The following CLPB variants were observed in gnomAD, a reference collection of about 807,000 sequenced individuals.
The protein encoded by CLPB is ClpB family mitochondrial disaggregase, also known as mitochondrial disaggregase.
In CLPB, 40 loss-of-function variants were observed where a neutral mutation model predicts 78.4. That is an observed-to-expected ratio of 0.51 (90% CI 0.40 to 0.66). The LOEUF is 0.66. CLPB is among the 30% of genes least tolerant of loss of function. The pLI is 0.00. For missense variants in CLPB, 780 were observed against 886.9 expected (o/e 0.88, Z 1.53); for synonymous variants, 333 against 348.0 (o/e 0.96, Z 0.48).
chr11:72,379,394 A>C (rs1236462993), intron 4 of CLPB, among the ~76,000 whole-genome samples: 1 of 152,190 alleles, frequency 6.6e-6, no homozygotes, highest in Non-Finnish European at 1.5e-5. Context: ...GTCTGGATAA[A>C]CGAAAGCTCA....
rs191308595 is a variant in CLPB at position 72,333,406 on chromosome 11, T to C, written c.776-3602A>G. ...CCTCTGTGTGCAGGATGATGAAGGA[T>C]TGGCAGAGCCAATGAATAGTTTCCC... On this transcript the variant is annotated intron_variant, in intron 5 of 15. Transcript: ENST00000538039. Among the ~76,000 whole-genome samples the C allele has an allele frequency of 3.5e-4, 54 of 152,360 alleles. No homozygotes were observed. The East Asian group carries it at 7.5e-3, about 21-fold the overall frequency.
intron 6 of CLPB, among the ~76,000 whole-genome samples, chr11:72,317,846 G>T (rs1949976625): frequency 6.6e-6 from 1 of 152,218 alleles, no homozygotes; most frequent in African/African-American, 2.4e-5. Flanking sequence ...TCTAGTTGAT[G>T]CTGAGGGTCT....
At chr11:72,340,201 G>T (rs558066127) in intron 5 of CLPB, among the ~76,000 whole-genome samples, 1 of 152,258 alleles carries the variant, frequency 6.6e-6, no homozygotes, top group African/African-American at 2.4e-5. Flanking sequence ...TTGATTCAGG[G>T]ATATGATTGG....
intron 3 of CLPB, among the ~76,000 whole-genome samples, chr11:72,389,784 G>A (rs1272882291): frequency 6.6e-6 from 1 of 152,146 alleles, no homozygotes; most frequent in Non-Finnish European, 1.5e-5. Flanking sequence ...AAATTAGCCA[G>A]GTGTGGTGGC....
chr11:72,308,442 TG>T (rs1269380680), intron 8 of CLPB, 84 bp downstream of exon 8: 3 of 1,210,676 alleles, frequency 2.5e-6, no homozygotes, highest in Admixed American at 1.7e-5. Flanking sequence ...CTGCTGACCC[TG>T]GCCCGCAGCA....
chr11:72,308,835 G>T (rs756026827), intron 7 of CLPB, among the ~76,000 whole-genome samples: 1 of 152,178 alleles, frequency 6.6e-6, no homozygotes, highest in Non-Finnish European at 1.5e-5. Flanking sequence ...TTCGGATAAA[G>T]TTTTCCAGGA....
At chr11:72,327,095 C>G (rs544861196) in intron 6 of CLPB, among the ~76,000 whole-genome samples, 1 of 152,294 alleles carries the variant, frequency 6.6e-6, no homozygotes, top group East Asian at 1.9e-4. Flanking sequence ...CAGCTGAGAG[C>G]TAGGGAATCC....
intron 5 of CLPB, among the ~76,000 whole-genome samples, chr11:72,358,202 G>A (rs1950757836): frequency 6.6e-6 from 1 of 152,162 alleles, no homozygotes; most frequent in Admixed American, 6.5e-5. Flanking sequence ...CCAAAGGGAG[G>A]GTATTCATTA....
At chr11:72,389,723 C>A (rs1411824032) in intron 3 of CLPB, among the ~76,000 whole-genome samples, 1 of 151,946 alleles carries the variant, frequency 6.6e-6, no homozygotes, top group East Asian at 1.9e-4. Context: ...CCCAGGAGTT[C>A]AAGACCAGCC....
At chr11:72,388,091 G>T (rs1442482842) in intron 3 of CLPB, among the ~76,000 whole-genome samples, 1 of 152,118 alleles carries the variant, frequency 6.6e-6, no homozygotes, top group Non-Finnish European at 1.5e-5. Context: ...GCAGACAGTG[G>T]TCTAGCAGGG....
At chr11:72,379,468 G>A (rs1177668649) in intron 4 of CLPB, among the ~76,000 whole-genome samples, 1 of 152,126 alleles carries the variant, frequency 6.6e-6, no homozygotes, top group African/African-American at 2.4e-5. Flanking sequence ...ATCCCACTTT[G>A]GAAGAAGTAC....
intron 3 of CLPB, among the ~76,000 whole-genome samples, chr11:72,393,074 C>G (rs550612684): frequency 6.6e-6 from 1 of 152,260 alleles, no homozygotes; most frequent in South Asian, 2.1e-4. Context: ...GGGCAAGGCT[C>G]GAGGAAGGCA....
chr11:72,338,423 C>T (rs1285343056), intron 5 of CLPB, among the ~76,000 whole-genome samples: 2 of 152,156 alleles, frequency 1.3e-5, no homozygotes, highest in Non-Finnish European at 2.9e-5. Flanking sequence ...GAGCTAGAAC[C>T]CACGCCTACT....
intron 2 of CLPB, among the ~76,000 whole-genome samples, chr11:72,424,205 T>C (rs760164960): frequency 7.2e-5 from 11 of 152,204 alleles, no homozygotes; most frequent in Non-Finnish European, 1.2e-4. Context: ...TGATGTACTG[T>C]TCTATCATAT....
intron 1 of CLPB, among the ~76,000 whole-genome samples, chr11:72,432,283 T>C (rs1856568670): frequency 6.6e-6 from 1 of 152,224 alleles, no homozygotes; most frequent in East Asian, 1.9e-4. Flanking sequence ...CCAGACACTG[T>C]GGTGGGCAAA....
chr11:72,385,694 A>G (rs1855053874), intron 3 of CLPB, among the ~76,000 whole-genome samples: 1 of 152,114 alleles, frequency 6.6e-6, no homozygotes, highest in Admixed American at 6.6e-5. Flanking sequence ...GTGGTGGTGT[A>G]TGTCTGTAAT....
intron 6 of CLPB, among the ~76,000 whole-genome samples, chr11:72,323,117 T>A (rs1950072028): frequency 1.3e-5 from 2 of 152,214 alleles, no homozygotes; most frequent in Non-Finnish European, 2.9e-5. Flanking sequence ...TTAGAAGTAT[T>A]AATGCTTCTA....
At chr11:72,293,718 C>T (rs1590751727) in intron 15 of CLPB, 103 bp from the exon 16 acceptor site, 1 of 1,376,056 alleles carries the variant, frequency 7.3e-7, no homozygotes, top group East Asian at 2.4e-5. Context: ...CTCCTTTGAG[C>T]CTGAGCCTCA....
chr11:72,354,985 T>C (rs112889822), intron 5 of CLPB, among the ~76,000 whole-genome samples: 8,536 of 152,148 alleles, frequency 0.056, 346 homozygotes, highest in Non-Finnish European at 0.082. Flanking sequence ...CCTCTGACAG[T>C]GTGAGAGCCT....
Sources: gnomAD v4.1 joint callset for allele counts (sites outside exome capture counted in the v4.1 genomes callset) on GRCh38, gnomAD v4.1.1 for gene constraint, MANE v1.5 for transcripts, NCBI Gene and HGNC (gene_info 2026-07-23, HGNC 2026-07-21) for gene names.